Variants in DSCAM observed in about 807,000 individuals in gnomAD.
The protein encoded by DSCAM is cell adhesion molecule DSCAM.
In DSCAM, 47 loss-of-function variants were observed where a neutral mutation model predicts 217.7. The ratio of observed to expected loss-of-function variants is 0.22; its 90% confidence interval spans 0.17 to 0.28. DSCAM has a LOEUF of 0.28. Among genes scored for constraint, DSCAM ranks in the 10% least tolerant of loss-of-function variants. DSCAM has a pLI of 1.00. For missense variants in DSCAM, 2,080 were observed against 2,618.3 expected (o/e 0.79, Z 4.49); for synonymous variants, 1,056 against 1,015.3 (o/e 1.04, Z -0.76).
In DSCAM at chr21:40,256,444, CACAG is replaced by C. The variant is rs898715981; in HGVS notation, c.2356+19649_2356+19652del. Among the ~76,000 whole-genome samples the C allele has an allele frequency of 2.2e-3, 319 of 146,426 alleles. 1 individual carries two copies. The highest frequency in any genetic ancestry group is 8.2e-3 in the African/African-American group (311 of 38,100). ...AGAGACAGAGAGAGAGAGAGACACA[CACAG>C]ACAGACACACACACACAAAGAGACA... On this transcript the variant is annotated intron_variant, in intron 11 of 32. Transcript: ENST00000400454.
intron 10 of DSCAM, among the ~76,000 whole-genome samples, chr21:40,295,185 A>G (rs1477495507): frequency 6.7e-6 from 1 of 148,458 alleles, no homozygotes; most frequent in East Asian, 2.3e-4. Context: ...GGTTATTGGA[A>G]AAAAAAAAAG....
chr21:40,189,122 C>T lies in DSCAM; in HGVS notation c.2473G>A (p.Asp825Asn), dbSNP rs774106113. Reference sequence around the variant, plus strand: ...GCCATCTCAGGGTTAATGATTCGGTCCTCCTTCTCCCAGCGGACTATAATG... The same window carrying T: ...GCCATCTCAGGGTTAATGATTCGGTTCTCCTTCTCCCAGCGGACTATAATG... ...KPIIVRWEKE[D>N]RIINPEMARY... Residue 825 changes from aspartate to asparagine, a missense_variant, in exon 12 of 33, where the codon GAC becomes AAC. Coordinates refer to ENST00000400454, the MANE Select transcript of DSCAM (RefSeq NM_001389.5). 6.2e-7 allele frequency: 1 copy of T among 1,614,124 alleles called. No homozygotes were observed. The highest frequency in any genetic ancestry group is 1.1e-5 in the South Asian group (1 of 91,078).
intron 11 of DSCAM, among the ~76,000 whole-genome samples, chr21:40,233,435 C>A (rs1306594996): frequency 2.0e-5 from 3 of 152,128 alleles, no homozygotes; most frequent in Non-Finnish European, 4.4e-5. Context: ...TTCAACCAAC[C>A]AGTCTGAGGC....
intron 3 of DSCAM, among the ~76,000 whole-genome samples, chr21:40,482,500 CTACAACATG>C (rs2075991825): frequency 6.6e-6 from 1 of 152,232 alleles, no homozygotes; most frequent in South Asian, 2.1e-4. Context: ...TTTTTACTCA[CTACAACATG>C]GGTATACTTT....
At chr21:40,536,349 T>C (rs2076496013) in intron 3 of DSCAM, among the ~76,000 whole-genome samples, 1 of 152,010 alleles carries the variant, frequency 6.6e-6, no homozygotes, top group African/African-American at 2.4e-5. Context: ...ATTCAAAGGT[T>C]TTCCAATACT....
chr21:40,539,985 C>G (rs937935716), intron 3 of DSCAM, among the ~76,000 whole-genome samples: 2 of 152,152 alleles, frequency 1.3e-5, no homozygotes, highest in Non-Finnish European at 2.9e-5. Flanking sequence ...TTGCATAGTA[C>G]TATAATGTTA....
chr21:40,335,796 G>A (rs755027252), intron 8 of DSCAM, among the ~76,000 whole-genome samples: 3 of 152,182 alleles, frequency 2.0e-5, no homozygotes, highest in Non-Finnish European at 4.4e-5. Flanking sequence ...TGATCTGTAA[G>A]AAGAAAATCG....
At chr21:40,634,747 A>C (rs2089733824) in intron 3 of DSCAM, among the ~76,000 whole-genome samples, 1 of 152,218 alleles carries the variant, frequency 6.6e-6, no homozygotes, top group Non-Finnish European at 1.5e-5. Context: ...TCTTCAGCAC[A>C]GGCACGTGGT....
intron 21 of DSCAM, 147 bp from the exon 22 acceptor site, chr21:40,087,434 G>A (rs569375075): frequency 5.1e-5 from 31 of 609,498 alleles, no homozygotes; most frequent in East Asian, 1.4e-4. Flanking sequence ...TCTGGTACCC[G>A]GGTTATGAGG....
intron 8 of DSCAM, among the ~76,000 whole-genome samples, chr21:40,313,606 G>A (rs1428096008): frequency 1.3e-5 from 2 of 152,004 alleles, no homozygotes; most frequent in African/African-American, 4.8e-5. Flanking sequence ...TCAGCCTTAC[G>A]GATTAGTTAT....
chr21:40,760,138 T>A (rs2091317730), intron 1 of DSCAM, among the ~76,000 whole-genome samples: 1 of 151,836 alleles, frequency 6.6e-6, no homozygotes, highest in African/African-American at 2.4e-5. Flanking sequence ...GGACTACAGG[T>A]GCATGCCACC....
At chr21:40,585,176 C>CTTCTTTCT (rs148747489) in intron 3 of DSCAM, among the ~76,000 whole-genome samples, 1,654 of 62,634 alleles carry the variant, frequency 0.026, 23 homozygotes, top group Non-Finnish European at 0.04. Context: ...GACAAATCAA[C>CTTCTTTCT]TTCTTTTTTT....
chr21:40,302,067 G>A (rs73371719), intron 9 of DSCAM, among the ~76,000 whole-genome samples: 6,237 of 152,234 alleles, frequency 0.041, 406 homozygotes, highest in African/African-American at 0.14. Context: ...AATTCCCCAA[G>A]GTTGTTGGTT....
intron 3 of DSCAM, among the ~76,000 whole-genome samples, chr21:40,447,951 TTAGA>T (rs1479079059): frequency 1.3e-5 from 2 of 152,232 alleles, no homozygotes; most frequent in African/African-American, 4.8e-5. Flanking sequence ...TTTTGATCAA[TTAGA>T]TATTTATTTC....
At chr21:40,204,336 C>T (rs890148227) in intron 11 of DSCAM, among the ~76,000 whole-genome samples, 1 of 152,166 alleles carries the variant, frequency 6.6e-6, no homozygotes, top group Non-Finnish European at 1.5e-5. Context: ...TTCATACCTG[C>T]CTGGGTGTCT....
At chr21:40,815,933 A>G (rs2091877675) in intron 1 of DSCAM, among the ~76,000 whole-genome samples, 2 of 152,226 alleles carry the variant, frequency 1.3e-5, no homozygotes, top group African/African-American at 4.8e-5. Context: ...AGTAGTTTGC[A>G]GCCATCATGA....
At chr21:40,072,014 C>T (rs1426165924) in intron 27 of DSCAM, among the ~76,000 whole-genome samples, 1 of 152,210 alleles carries the variant, frequency 6.6e-6, no homozygotes, top group East Asian at 1.9e-4. Flanking sequence ...CTGGCGCTGT[C>T]CTTTTATGGC....
chr21:40,296,831 C>CAAAAAAAAA (rs58219836), intron 9 of DSCAM, among the ~76,000 whole-genome samples: 3 of 53,812 alleles, frequency 5.6e-5, no homozygotes, highest in African/African-American at 1.7e-4. Flanking sequence ...AACTCCATCT[C>CAAAAAAAAA]AAAAAAAAAA....
chr21:40,348,250 A>ACACAGTCCC (rs2074583932), intron 5 of DSCAM, among the ~76,000 whole-genome samples: 13 of 152,346 alleles, frequency 8.5e-5, no homozygotes, highest in Admixed American at 7.8e-4. Flanking sequence ...ATCATACCCC[A>ACACAGTCCC]TACGGTTCCT....
Sources: gnomAD v4.1 joint callset for allele counts (sites outside exome capture counted in the v4.1 genomes callset) on GRCh38, gnomAD v4.1.1 for gene constraint, MANE v1.5 for transcripts, NCBI Gene and HGNC (gene_info 2026-07-23, HGNC 2026-07-21) for gene names.